The following EPHB1 variants were observed in gnomAD, a reference collection of about 807,000 sequenced individuals.
EPHB1 encodes EPH receptor B1, also known as ephrin type-B receptor 1.
EPHB1 carries 30 observed loss-of-function variants against 94.4 expected under a neutral mutation model. The ratio of observed to expected loss-of-function variants is 0.32; its 90% CI spans 0.24 to 0.43. The LOEUF (loss-of-function observed/expected upper bound fraction) is 0.43, where lower values mean the gene tolerates loss of function less well. EPHB1 is among the 20% of genes least tolerant of loss of function. The pLI, the probability that EPHB1 is intolerant of heterozygous loss-of-function variation, is 1.00. For synonymous variants in EPHB1, 522 were observed against 489.1 expected, an observed-to-expected ratio of 1.07 and a Z score of -0.89; for missense variants, 1,055 against 1,308.3, an observed-to-expected ratio of 0.81 and a Z score of 2.99.
At chr3:135,049,737 A>G (rs1937112236) in intron 3 of EPHB1, among the ~76,000 whole-genome samples, 1 of 152,242 alleles carries the variant, frequency 6.6e-6, no homozygotes, top group Admixed American at 6.5e-5. Flanking sequence ...ATACCTCTTT[A>G]TAATATGTGA....
intron 4 of EPHB1, among the ~76,000 whole-genome samples, chr3:135,112,820 T>C (rs994259503): frequency 1.3e-5 from 2 of 152,044 alleles, no homozygotes; most frequent in African/African-American, 4.8e-5. Flanking sequence ...TCCAAGTCTT[T>C]GCTATTGTGA....
At chr3:134,907,928 C>T (rs2038370287) in intron 1 of EPHB1, among the ~76,000 whole-genome samples, 1 of 152,222 alleles carries the variant, frequency 6.6e-6, no homozygotes, top group South Asian at 2.1e-4. Context: ...CAACATGCTC[C>T]TGCTCTTAAA....
At chr3:135,007,606 G>A (rs1157730441) in intron 3 of EPHB1, among the ~76,000 whole-genome samples, 1 of 152,138 alleles carries the variant, frequency 6.6e-6, no homozygotes, top group Non-Finnish European at 1.5e-5. Flanking sequence ...GGTCATGGCA[G>A]GAAGTGCATA....
At chr3:135,173,058 G>A (rs113616032) in intron 9 of EPHB1, among the ~76,000 whole-genome samples, 358 of 145,510 alleles carry the variant, frequency 2.5e-3, no homozygotes, top group Non-Finnish European at 4.5e-3. Context: ...TTTTTGAGAC[G>A]GAGTCTCGCT....
chr3:134,884,428 C>A (rs2037821847), intron 1 of EPHB1, among the ~76,000 whole-genome samples: 2 of 152,310 alleles, frequency 1.3e-5, no homozygotes, highest in African/African-American at 4.8e-5. Context: ...TCTTTTAACT[C>A]TGAAAGTATC....
At chr3:135,183,006 T>A (rs1447618065) in intron 10 of EPHB1, among the ~76,000 whole-genome samples, 1 of 63,038 alleles carries the variant, frequency 1.6e-5, no homozygotes, top group East Asian at 6.9e-4. Flanking sequence ...TTTTCTTTTC[T>A]TTTCTTTTCT....
chr3:135,248,014 C>G (rs930151716), intron 13 of EPHB1, among the ~76,000 whole-genome samples: 1 of 152,204 alleles, frequency 6.6e-6, no homozygotes, highest in African/African-American at 2.4e-5. Flanking sequence ...CGGAGATGCT[C>G]AAGCTGTTCA....
At chr3:134,994,436 G>A (rs1443354635) in intron 3 of EPHB1, among the ~76,000 whole-genome samples, 6 of 152,148 alleles carry the variant, frequency 3.9e-5, no homozygotes, top group East Asian at 1.9e-4. Flanking sequence ...CTGTCATCCC[G>A]TGCCTGGGAA....
At chr3:134,816,643 G>A (rs1436807178) in intron 1 of EPHB1, among the ~76,000 whole-genome samples, 8 of 151,822 alleles carry the variant, frequency 5.3e-5, no homozygotes, top group Non-Finnish European at 1.2e-4. Context: ...AGATTCCCAG[G>A]CACCCTCCTC....
At chr3:135,236,218 C>T (rs1943648726) in intron 12 of EPHB1, among the ~76,000 whole-genome samples, 1 of 152,140 alleles carries the variant, frequency 6.6e-6, no homozygotes. Context: ...CTCCTAGTTG[C>T]CATCAATTCT....
intron 3 of EPHB1, among the ~76,000 whole-genome samples, chr3:135,014,618 GA>G (rs1297042523): frequency 1.3e-5 from 2 of 152,314 alleles, no homozygotes; most frequent in Non-Finnish European, 2.9e-5. Context: ...TAAACACTGG[GA>G]AAACATGTGT....
intron 1 of EPHB1, among the ~76,000 whole-genome samples, chr3:134,811,842 G>A (rs1349979534): frequency 6.6e-6 from 1 of 152,210 alleles, no homozygotes; most frequent in Non-Finnish European, 1.5e-5. Flanking sequence ...GCCCTAAACA[G>A]TCGGAAAGGA....
chr3:134,951,041 C>T lies in EPHB1; in HGVS notation c.124-330C>T, dbSNP rs1193177243. The stretch of plus-strand genomic sequence containing the variant: ...ACTGTGGAAGTGAGGAAGAAAGTCC[C>T]TGCCATCACATGGGCTGAAAGCTGC... On this transcript the variant is annotated intron_variant, in intron 2 of 15. Coordinates refer to ENST00000398015, the MANE Select transcript of EPHB1 (RefSeq NM_004441.5). The surrounding 1 kb of genome is among the most constrained non-coding windows in gnomAD (Gnocchi z 4.5). Among the ~76,000 whole-genome samples, 5 of 152,140 alleles carry T rather than the reference C, an allele frequency of 3.3e-5. No individual in the cohort carries two copies. The highest frequency in any genetic ancestry group is 1.2e-4 in the African/African-American group (5 of 41,426).
At chr3:135,246,169 A>T (rs532664079) in intron 13 of EPHB1, among the ~76,000 whole-genome samples, 33 of 152,208 alleles carry the variant, frequency 2.2e-4, no homozygotes, top group Middle Eastern at 3.4e-3. Context: ...GCACTGGAAG[A>T]CTTTGGGGAC....
At chr3:134,849,764 G>A (rs1323723187) in intron 1 of EPHB1, among the ~76,000 whole-genome samples, 2 of 152,222 alleles carry the variant, frequency 1.3e-5, no homozygotes, top group Non-Finnish European at 2.9e-5. Flanking sequence ...CTCTTGAGAT[G>A]CACTCTAGGC....
chr3:134,973,037 TG>T (rs1160760686), intron 3 of EPHB1, among the ~76,000 whole-genome samples: 1 of 152,192 alleles, frequency 6.6e-6, no homozygotes, highest in Non-Finnish European at 1.5e-5. Context: ...CTCCACAGCC[TG>T]GATAGGTGTT....
intron 11 of EPHB1, among the ~76,000 whole-genome samples, chr3:135,199,250 T>C (rs1942697664): frequency 6.6e-6 from 1 of 152,222 alleles, no homozygotes; most frequent in South Asian, 2.1e-4. Context: ...ATGTGACTTG[T>C]GGCTGAGATA....
At chr3:134,894,715 T>G (rs1308562452) in intron 1 of EPHB1, among the ~76,000 whole-genome samples, 1 of 152,212 alleles carries the variant, frequency 6.6e-6, no homozygotes, top group Admixed American at 6.5e-5. Flanking sequence ...TCAACATCAC[T>G]ACTTAGTTGG....
chr3:134,916,932 C>T (rs1436324546), intron 1 of EPHB1, among the ~76,000 whole-genome samples: 1 of 152,232 alleles, frequency 6.6e-6, no homozygotes, highest in Non-Finnish European at 1.5e-5. Flanking sequence ...TCAATACCAT[C>T]TTGATTTGAG....
Sources: gnomAD v4.1 joint callset for allele counts (sites outside exome capture counted in the v4.1 genomes callset) on GRCh38, gnomAD v4.1.1 for gene constraint, Gnocchi (gnomAD v3.1) non-coding constraint, MANE v1.5 for transcripts, NCBI Gene and HGNC (gene_info 2026-07-23, HGNC 2026-07-21) for gene names.